SPATA17: variants seen among roughly 807,000 people sequenced by gnomAD.
SPATA17 encodes spermatogenesis-associated protein 17.
In SPATA17, 53 loss-of-function variants were observed where a neutral mutation model predicts 62.2. That is an observed-to-expected ratio of 0.85 (90% CI 0.68 to 1.07). SPATA17 has a LOEUF of 1.07. Ranked by LOEUF, SPATA17 falls within the 50% of genes least tolerant of loss-of-function variation. The pLI, the probability that SPATA17 is intolerant of heterozygous loss-of-function variation, is 0.00. For missense variants in SPATA17, 466 were observed against 425.5 expected (o/e 1.10, Z -0.84); for synonymous variants, 146 against 146.8 (o/e 0.99, Z 0.04).
intron 5 of SPATA17, among the ~76,000 whole-genome samples, chr1:217,700,109 C>G (rs935350290): frequency 6.6e-6 from 1 of 152,014 alleles, no homozygotes; most frequent in Non-Finnish European, 1.5e-5. Context: ...TCCTTTCACT[C>G]TATTTTTTTT....
chr1:217,719,682 A>T lies in SPATA17; in HGVS notation c.396-22293A>T, dbSNP rs145630897. 2.4e-3 allele frequency among the ~76,000 whole-genome samples: 371 copies of T among 152,340 alleles called. 1 individual carries two copies. The highest frequency in any genetic ancestry group is 8.3e-3 in the African/African-American group (347 of 41,580). ...AGTAATACAAGATGAATAACTTTTAAAATGAACAAAAGGGAACTCTAGAGA... is the reference window on the plus strand; with the variant it reads ...AGTAATACAAGATGAATAACTTTTATAATGAACAAAAGGGAACTCTAGAGA... On this transcript the variant is annotated intron_variant, in intron 5 of 10. Coordinates refer to ENST00000366933, the MANE Select transcript of SPATA17 (RefSeq NM_138796.4).
intron 3 of SPATA17, among the ~76,000 whole-genome samples, chr1:217,651,924 C>A (rs968596827): frequency 6.6e-6 from 1 of 152,172 alleles, no homozygotes; most frequent in Non-Finnish European, 1.5e-5. Context: ...TCAGTCTCAT[C>A]CACTTGTCCA....
chr1:217,744,729 T>G (rs1335717079), intron 6 of SPATA17, among the ~76,000 whole-genome samples: 4 of 152,126 alleles, frequency 2.6e-5, no homozygotes, highest in Non-Finnish European at 5.9e-5. Context: ...TATGGCAAGG[T>G]TGAAAGAACC....
At chr1:217,704,292 G>A (rs982651975) in intron 5 of SPATA17, among the ~76,000 whole-genome samples, 25 of 120,198 alleles carry the variant, frequency 2.1e-4, no homozygotes, top group African/African-American at 7.5e-4. Context: ...CGCCCAGGCC[G>A]GACTGCGGAC....
chr1:217,750,277 A>C (rs1414817595), intron 6 of SPATA17, among the ~76,000 whole-genome samples: 1 of 151,918 alleles, frequency 6.6e-6, no homozygotes, highest in East Asian at 1.9e-4. Flanking sequence ...ACAGCTTCTG[A>C]TAAGAATGGG....
rs572848640 is a variant in SPATA17, at chr1:217,667,483, C to T, written c.241-1550C>T. ...ATACTTGATCTCATTTTAGTCTTCA[C>T]GACAACTCAATGAAGCATATAATGA... On this transcript the variant is annotated intron_variant, in intron 3 of 10. Coordinates refer to ENST00000366933, the MANE Select transcript of SPATA17 (RefSeq NM_138796.4). Among the ~76,000 whole-genome samples the T allele has an allele frequency of 9.7e-4, 148 of 152,190 alleles. 1 individual carries two copies. Among genetic ancestry groups the T allele is most frequent in the African/African-American group, 2.3e-3 (95 of 41,520 alleles).
intron 7 of SPATA17, among the ~76,000 whole-genome samples, chr1:217,777,211 T>C (rs755048003): frequency 6.6e-6 from 1 of 152,200 alleles, no homozygotes; most frequent in African/African-American, 2.4e-5. Flanking sequence ...ACGTCCTTAA[T>C]TCCCATTATT....
intron 5 of SPATA17, among the ~76,000 whole-genome samples, chr1:217,699,080 G>A (rs1450048828): frequency 6.6e-6 from 1 of 152,152 alleles, no homozygotes; most frequent in Non-Finnish European, 1.5e-5. Flanking sequence ...GAGTTGTCTT[G>A]TGAATGTTTG....
At chr1:217,862,920 G>A in intron 10 of SPATA17, 64 bp downstream of exon 10, 1 of 1,042,656 alleles carries the variant, frequency 9.6e-7, no homozygotes, top group Non-Finnish European at 1.4e-6. Flanking sequence ...AAATCAAATG[G>A]GGTTGACTTA....
intron 5 of SPATA17, among the ~76,000 whole-genome samples, chr1:217,730,222 T>C (rs952437115): frequency 2.0e-5 from 3 of 151,254 alleles, no homozygotes; most frequent in Non-Finnish European, 3.0e-5. Flanking sequence ...TAAAGTGATT[T>C]TTTTTTTTTT....
intron 10 of SPATA17, among the ~76,000 whole-genome samples, chr1:217,864,709 G>A (rs561716531): frequency 7.9e-5 from 12 of 152,050 alleles, no homozygotes; most frequent in Middle Eastern, 3.4e-3. Context: ...GCAACCAGAC[G>A]AAAGCCAAGT....
At chr1:217,787,812 G>A (rs1358117561) in intron 8 of SPATA17, among the ~76,000 whole-genome samples, 1 of 151,972 alleles carries the variant, frequency 6.6e-6, no homozygotes, top group Non-Finnish European at 1.5e-5. Context: ...GGAATTTTTG[G>A]TTACATGTGC....
rs1571787769 is a variant in SPATA17 at position 217,761,173 on chromosome 1, A to G, written c.520-13161A>G. Among the ~76,000 whole-genome samples the G allele has an allele frequency of 2.6e-5, 4 of 152,286 alleles. No homozygotes were observed. In the South Asian group the frequency reaches 8.3e-4, roughly 32 times the overall value. ...ATCTGCACACTGCTCATCACACTTC[A>G]GTTCTCGAAACCTCCTTTGGCCTTT... On this transcript the variant is annotated intron_variant, in intron 6 of 10. Transcript: ENST00000366933.
intron 9 of SPATA17, among the ~76,000 whole-genome samples, chr1:217,855,818 C>T (rs997794684): frequency 5.1e-4 from 76 of 150,430 alleles, no homozygotes; most frequent in African/African-American, 1.7e-3. Context: ...CCTCCGTCTC[C>T]TGGGTTCAAG....
At chr1:217,696,656 T>C (rs1463807203) in intron 5 of SPATA17, among the ~76,000 whole-genome samples, 2 of 152,358 alleles carry the variant, frequency 1.3e-5, no homozygotes, top group East Asian at 3.9e-4. Flanking sequence ...AATTGTAATA[T>C]TGTTCTGGTT....
At chr1:217,661,420 C>A (rs980261057) in intron 3 of SPATA17, among the ~76,000 whole-genome samples, 1 of 151,986 alleles carries the variant, frequency 6.6e-6, no homozygotes, top group East Asian at 1.9e-4. Context: ...TTCTCCTATA[C>A]CCAAATATTT....
At chr1:217,821,446 A>G (rs950408497) in intron 9 of SPATA17, among the ~76,000 whole-genome samples, 1 of 152,118 alleles carries the variant, frequency 6.6e-6, no homozygotes, top group African/African-American at 2.4e-5. Flanking sequence ...AGCCATGTTA[A>G]ATGGTGCTGT....
intron 5 of SPATA17, among the ~76,000 whole-genome samples, chr1:217,683,565 A>C (rs770820751): frequency 2.3e-4 from 35 of 152,078 alleles, no homozygotes; most frequent in Non-Finnish European, 2.1e-4. Flanking sequence ...CAGACTCCCG[A>C]GTAGGTGGGA....
rs147087615 is a variant in SPATA17, at chr1:217,633,300, T to C, written c.68+1854T>C. On this transcript the variant is annotated intron_variant, in intron 1 of 10. Transcript: ENST00000366933. The stretch of plus-strand genomic sequence containing the variant: ...CAGTATTTTTTGAGGACTGATTATA[T>C]ATGAGGGATTGCACCAGGAACAACT... Among the ~76,000 whole-genome samples, 1,072 of 152,228 alleles carry C rather than the reference T, an allele frequency of 7.0e-3. 11 individuals are homozygous for C. Among genetic ancestry groups the C allele is most frequent in the African/African-American group, 0.025 (1,019 of 41,538 alleles).
Sources: gnomAD v4.1 joint callset for allele counts (sites outside exome capture counted in the v4.1 genomes callset) on GRCh38, gnomAD v4.1.1 for gene constraint, MANE v1.5 for transcripts, NCBI Gene and HGNC (gene_info 2026-07-23, HGNC 2026-07-21) for gene names.